Variants in C16orf78 observed in about 807,000 individuals in gnomAD.
C16orf78 encodes the protein chromosome 16 open reading frame 78, also known as uncharacterized protein C16orf78.
In C16orf78, 19 loss-of-function variants were observed where a neutral mutation model predicts 27.3. The observed-to-expected ratio is 0.70, with a 90% CI of 0.49 to 1.02. C16orf78 has a LOEUF of 1.02. C16orf78 is among the 50% of genes least tolerant of loss of function. C16orf78 has a pLI of 0.00. For missense variants in C16orf78, 339 were observed against 337.0 expected (o/e 1.01, Z -0.05); for synonymous variants, 130 against 116.1 (o/e 1.12, Z -0.77).
intron 3 of C16orf78, among the ~76,000 whole-genome samples, chr16:49,382,839 C>T (rs986317975): frequency 7.2e-5 from 11 of 152,226 alleles, no homozygotes; most frequent in African/African-American, 2.4e-4. Context: ...CCACCTAACA[C>T]TTTCCCATTG....
intron 3 of C16orf78, among the ~76,000 whole-genome samples, chr16:49,395,870 G>T (rs1361738546): frequency 6.6e-6 from 1 of 152,098 alleles, no homozygotes; most frequent in Non-Finnish European, 1.5e-5. Flanking sequence ...TAAGCAGAAA[G>T]GGGGAAGGAG....
At chr16:49,374,111 T>C (rs779268206) in intron 1 of C16orf78, 22 bp downstream of exon 1, 3 of 1,611,776 alleles carry the variant, frequency 1.9e-6, no homozygotes, top group South Asian at 1.1e-5. Context: ...CCAAGAGAAA[T>C]GGCAGGAAGA....
chr16:49,377,863 C>A lies in C16orf78; in HGVS notation c.270+13C>A. The A allele has an allele frequency of 6.4e-7, 1 of 1,560,972 alleles. No homozygotes were observed. On this transcript the variant is annotated intron_variant, in intron 2 of 4. Coordinates refer to ENST00000299191, the MANE Select transcript of C16orf78 (RefSeq NM_144602.4). ...GACTTCCCAGCAGGTAATGCAGCCC[C>A]TCTTCCCCCACTCACCCCCACTGGG...
rs371496631 is a variant in C16orf78 at position 49,379,443 on chromosome 16, G to T, written c.394+850G>T. Among the ~76,000 whole-genome samples, 104 of 139,152 alleles carry T rather than the reference G, an allele frequency of 7.5e-4. 3 individuals are homozygous for T. The highest frequency in any genetic ancestry group is 3.2e-3 in the African/African-American group (99 of 31,128). The allele number at this position is 139,152 out of a possible 152,430, so 91.3% of individuals were successfully genotyped here. ...TGCACAGGAGTCTTCAAGCAGAGGC[G>T]GTCAATTCTCATATATAAAATTGCC... On this transcript the variant is annotated intron_variant, in intron 3 of 4. Coordinates refer to ENST00000299191, the MANE Select transcript of C16orf78 (RefSeq NM_144602.4).
In C16orf78 at chr16:49,399,147, A is replaced by C; in HGVS notation, c.667A>C (p.Lys223Gln). The C allele has an allele frequency of 6.2e-7, 1 of 1,614,098 alleles. No homozygotes were observed. The highest frequency in any genetic ancestry group is 2.2e-5 in the East Asian group (1 of 44,886). ...VLSCRYLRLS[K>Q]ENIRTLLKLC... The stretch of plus-strand genomic sequence containing the variant: ...CTTGAACAGATACCTGAGGTTATCC[A>C]AGGAGAACATTCGGACCTTGCTCAA... Residue 223 changes from lysine to glutamine, a missense_variant, in exon 5 of 5, where the codon AAG becomes CAG. Lys to Gln is a moderately conservative substitution (Grantham distance 53). Transcript: ENST00000299191.
At chr16:49,386,476 G>A (rs954202152) in intron 3 of C16orf78, among the ~76,000 whole-genome samples, 2 of 152,160 alleles carry the variant, frequency 1.3e-5, no homozygotes, top group Admixed American at 6.5e-5. Flanking sequence ...AGTGGTACAT[G>A]TGCAGATTTG....
intron 3 of C16orf78, among the ~76,000 whole-genome samples, chr16:49,381,709 A>G (rs973130129): frequency 1.3e-4 from 19 of 150,868 alleles, no homozygotes; most frequent in Admixed American, 2.6e-4. Flanking sequence ...CAAAACCACA[A>G]TGAGATACCA....
At chr16:49,396,910 C>T (rs903361178) in intron 4 of C16orf78, among the ~76,000 whole-genome samples, 20 of 152,238 alleles carry the variant, frequency 1.3e-4, no homozygotes, top group African/African-American at 4.6e-4. Context: ...CATTTAGGTG[C>T]TGCCACTTTG....
At chr16:49,377,697 G>C in intron 1 of C16orf78, 34 bp from the exon 2 acceptor site, 1 of 1,592,834 alleles carries the variant, frequency 6.3e-7, no homozygotes, top group Non-Finnish European at 8.5e-7. Flanking sequence ...CCCCACAGCA[G>C]TGGCTGCAGG....
At chr16:49,390,375 G>C (rs1489394194) in intron 3 of C16orf78, among the ~76,000 whole-genome samples, 2 of 152,020 alleles carry the variant, frequency 1.3e-5, no homozygotes, top group Non-Finnish European at 2.9e-5. Context: ...CATATTTAGA[G>C]TCCCAAAATT....
chr16:49,379,765 C>T (rs1965265470), intron 3 of C16orf78, among the ~76,000 whole-genome samples: 1 of 152,146 alleles, frequency 6.6e-6, no homozygotes, highest in South Asian at 2.1e-4. Context: ...CAGGAATCCT[C>T]CTTATTTTCT....
At position 49,396,596 on chromosome 16, in the gene C16orf78, C is replaced by A. The variant is rs772709408; in HGVS notation, c.568C>A (p.Leu190Ile). ...GCCTGACATGGCTTACGAACGCAAG[C>A]TAAAGAGCCTCATGGAGAAAAGCAC... ...KMPDMAYERK[L>I]KSLMEKSTEP... The change falls in exon 4 of 5, where the codon CTA becomes ATA. Residue 190 changes from leucine (L) to isoleucine (I), a missense_variant. Coordinates refer to ENST00000299191, the MANE Select transcript of C16orf78 (RefSeq NM_144602.4). 9 of 1,613,984 alleles carry A rather than the reference C, an allele frequency of 5.6e-6. No homozygotes were observed. The South Asian group carries it at 8.8e-5, about 16-fold the overall frequency.
intron 3 of C16orf78, among the ~76,000 whole-genome samples, chr16:49,379,350 C>T (rs1204981072): frequency 1.3e-5 from 2 of 151,772 alleles, no homozygotes; most frequent in African/African-American, 2.4e-5. Context: ...TTATGTCTGG[C>T]CCCTTGGGAC....
At chr16:49,379,580 G>A (rs1456638264) in intron 3 of C16orf78, among the ~76,000 whole-genome samples, 3 of 151,936 alleles carry the variant, frequency 2.0e-5, no homozygotes, top group Non-Finnish European at 2.9e-5. Context: ...AAATGCAGTC[G>A]GCTTTCAGTG....
intron 3 of C16orf78, among the ~76,000 whole-genome samples, chr16:49,385,479 T>C (rs982951067): frequency 6.6e-6 from 1 of 152,032 alleles, no homozygotes; most frequent in African/African-American, 2.4e-5. Flanking sequence ...CTGGCCAATA[T>C]GGTGAAACCT....
At chr16:49,396,395 C>A in intron 3 of C16orf78, 28 bp from the exon 4 acceptor site, 3 of 1,612,094 alleles carry the variant, frequency 1.9e-6, no homozygotes, top group Non-Finnish European at 1.7e-6. Context: ...CACGGTCTAA[C>A]TCTTTGATGG....
chr16:49,396,490 C>G lies in C16orf78; in HGVS notation c.462C>G (p.Ser154Arg). Residue 154 changes from serine (S) to arginine (R), a missense_variant, in exon 4 of 5, where the codon AGC becomes AGG. Ser to Arg is a moderately radical substitution (Grantham distance 110). Coordinates refer to ENST00000299191, the MANE Select transcript of C16orf78 (RefSeq NM_144602.4). ...TQRPNPFRRQ[S>R]IVLDPMLQEG... ...GGCCAAACCCATTCCGTCGACAAAGCATTGTCTTAGATCCCATGTTACAGG... is the reference window on the plus strand; with the variant it reads ...GGCCAAACCCATTCCGTCGACAAAGGATTGTCTTAGATCCCATGTTACAGG... The G allele has an allele frequency of 2.5e-6, 4 of 1,614,156 alleles. No homozygotes were observed. Among genetic ancestry groups the G allele is most frequent in the South Asian group, 1.1e-5 (1 of 91,070 alleles).
intron 1 of C16orf78, among the ~76,000 whole-genome samples, chr16:49,374,656 T>A (rs1965192969): frequency 6.6e-6 from 1 of 152,204 alleles, no homozygotes; most frequent in African/African-American, 2.4e-5. Flanking sequence ...CCCTCAGCTC[T>A]TCTCTCCTTG....
At chr16:49,398,657 G>A (rs920145734) in intron 4 of C16orf78, among the ~76,000 whole-genome samples, 7 of 152,124 alleles carry the variant, frequency 4.6e-5, no homozygotes, top group African/African-American at 1.4e-4. Context: ...TCACAGCCAC[G>A]TGGCACCATC....
Sources: gnomAD v4.1 joint callset for allele counts (sites outside exome capture counted in the v4.1 genomes callset) on GRCh38, gnomAD v4.1.1 for gene constraint, MANE v1.5 for transcripts, NCBI Gene and HGNC (gene_info 2026-07-23, HGNC 2026-07-21) for gene names.